Variants in SOD2 observed in about 807,000 individuals in gnomAD.
SOD2 encodes the protein superoxide dismutase 2, also known as superoxide dismutase [Mn], mitochondrial.
In SOD2, 11 loss-of-function variants were observed where a neutral mutation model predicts 27.0. That is an observed-to-expected ratio of 0.41 (90% CI 0.26 to 0.67). The LOEUF (loss-of-function observed/expected upper bound fraction) is 0.67. Among genes scored for constraint, SOD2 ranks in the 30% least tolerant of loss-of-function variants. The probability of loss-of-function intolerance (pLI) is 0.34; values close to 1 mark genes in which losing one functional copy is unlikely to be tolerated. For synonymous variants in SOD2, 105 were observed against 103.0 expected (o/e 1.02, Z -0.12); for missense variants, 250 against 274.5 (o/e 0.91, Z 0.63).
intron 1 of SOD2, chr6:159,725,466 G>GTGAGA (rs1256212065): frequency 7.2e-6 from 1 of 139,788 alleles, no homozygotes; most frequent in African/African-American, 2.8e-5. Flanking sequence ...GGGCAACACA[G>GTGAGA]TGAGACTGTC....
chr6:159,750,153 C>G (rs1779766616), upstream of SOD2, among the ~76,000 whole-genome samples: 1 of 152,164 alleles, frequency 6.6e-6, no homozygotes, highest in Non-Finnish European at 1.5e-5. Context: ...GTAACCAGAT[C>G]TGTTTGAAAT....
chr6:159,693,727 C>T (rs949882206), upstream of SOD2, among the ~76,000 whole-genome samples: 6 of 152,250 alleles, frequency 3.9e-5, no homozygotes, highest in Non-Finnish European at 8.8e-5. Flanking sequence ...CGTGGCCGTT[C>T]CTAGGGAAGA....
chr6:159,712,330 C>A, intron 1 of SOD2, among the ~76,000 whole-genome samples: 1 of 148,480 alleles, frequency 6.7e-6, no homozygotes, highest in Admixed American at 6.7e-5. Flanking sequence ...CTGCTCTGAT[C>A]ACCCTAACCA....
chr6:159,737,308 T>G (rs75890430), intron 1 of SOD2, among the ~76,000 whole-genome samples: 3,052 of 152,062 alleles, frequency 0.02, 52 homozygotes, highest in Middle Eastern at 0.051. Flanking sequence ...GCCTCTGCCT[T>G]CCAAAGTGCT....
At chr6:159,743,483 A>G (rs980679237) in intron 1 of SOD2, among the ~76,000 whole-genome samples, 4 of 152,254 alleles carry the variant, frequency 2.6e-5, no homozygotes, top group East Asian at 1.9e-4. Context: ...ATGGAGCACT[A>G]TGACACCATT....
chr6:159,714,782 T>G (rs1023699181), intron 1 of SOD2, among the ~76,000 whole-genome samples: 3 of 152,306 alleles, frequency 2.0e-5, no homozygotes, highest in Non-Finnish European at 2.9e-5. Context: ...GTTGTCTGGC[T>G]GGAGTAGAGC....
chr6:159,728,990 C>T (rs1404176074), upstream of SOD2, among the ~76,000 whole-genome samples: 5 of 152,128 alleles, frequency 3.3e-5, no homozygotes, highest in East Asian at 7.7e-4. Context: ...TCTTTTATGT[C>T]TAGCTTTTCC....
intron 1 of SOD2, among the ~76,000 whole-genome samples, chr6:159,709,286 AGCT>A (rs1036186330): frequency 6.6e-6 from 1 of 152,214 alleles, no homozygotes; most frequent in African/African-American, 2.4e-5. Flanking sequence ...TAACCTAAAG[AGCT>A]TCTGCACAGC....
At chr6:159,705,386 G>A (rs888171462) in intron 1 of SOD2, among the ~76,000 whole-genome samples, 2 of 152,166 alleles carry the variant, frequency 1.3e-5, no homozygotes, top group East Asian at 1.9e-4. Flanking sequence ...AAGATTAGAC[G>A]AATGGCTAAC....
At position 159,676,735 on chromosome 6, in the gene SOD2, A is replaced by G. The variant is rs1274010075; in HGVS notation, c.*5758T>C. On this transcript the variant is annotated 3_prime_UTR_variant, in exon 5 of 5. Coordinates refer to ENST00000538183, the MANE Select transcript of SOD2 (RefSeq NM_000636.4). ...GTTGTACACATGTACCCTAGAACTT[A>G]AAGTATAATTTAAAAATAAATAAGT... 1 of 152,184 alleles carries G rather than the reference A, an allele frequency of 6.6e-6. No individual in the cohort carries two copies. The highest frequency in any genetic ancestry group is 2.4e-5 in the African/African-American group (1 of 41,434). The allele number at this position is 152,184 out of a possible 1,614,324, so 9.4% of individuals were successfully genotyped here.
intron 1 of SOD2, among the ~76,000 whole-genome samples, chr6:159,700,678 A>C (rs575180313): frequency 6.6e-5 from 10 of 151,454 alleles, no homozygotes; most frequent in African/African-American, 2.4e-4. Context: ...AAATCAATGC[A>C]TTGTTAACAT....
intron 1 of SOD2, chr6:159,725,477 T>C (rs1341499466): frequency 2.1e-5 from 2 of 94,822 alleles, no homozygotes; most frequent in African/African-American, 5.1e-5. Context: ...TGAGACTGTC[T>C]CAAAAAAAAA....
At chr6:159,686,757 A>G (rs996839527) in intron 3 of SOD2, among the ~76,000 whole-genome samples, 1 of 152,254 alleles carries the variant, frequency 6.6e-6, no homozygotes, top group Non-Finnish European at 1.5e-5. Flanking sequence ...TTTCAAGTGC[A>G]TAAGATAGGC....
Position 159,726,512 on chromosome 6 carries a change from T to A in SOD2, c.-116+617A>T, listed in dbSNP as rs138409121. On this transcript the variant is annotated intron_variant, in intron 1 of 2. Transcript: ENST00000401980. The stretch of plus-strand genomic sequence containing the variant: ...CTAAGGACAGACCAATCAAAAGAAT[T>A]ACGTGCTCTTCTAGTAAGTGTTTAG... 343 of 307,486 alleles carry A rather than the reference T, an allele frequency of 1.1e-3. 1 individual carries two copies. Among genetic ancestry groups the A allele is most frequent in the African/African-American group, 7.0e-3 (317 of 45,110 alleles). 19.0% of individuals were successfully genotyped at this position (307,486 alleles called of 1,614,324 possible).
chr6:159,707,304 C>A (rs1233949306), intron 1 of SOD2, among the ~76,000 whole-genome samples: 2 of 151,760 alleles, frequency 1.3e-5, no homozygotes, highest in African/African-American at 2.4e-5. Flanking sequence ...CACAAAAAAC[C>A]CTTCAAAAAA....
chr6:159,707,891 C>T (rs1171866522), intron 1 of SOD2, among the ~76,000 whole-genome samples: 1 of 152,126 alleles, frequency 6.6e-6, no homozygotes, highest in Non-Finnish European at 1.5e-5. Flanking sequence ...CAAACTGAAT[C>T]CAGCAGCACA....
chr6:159,671,795 A>C lies in SOD2; in HGVS notation c.*10698T>G, dbSNP rs1290865125. On this transcript the variant is annotated 3_prime_UTR_variant, in exon 5 of 5. Coordinates refer to ENST00000538183, the MANE Select transcript of SOD2 (RefSeq NM_000636.4). ...GGCTTCAGATGATCAAACTTCTCCAAGCTAAAAGAGGAAGTTCGAACCCAT... is the reference window on the plus strand; with the variant it reads ...GGCTTCAGATGATCAAACTTCTCCACGCTAAAAGAGGAAGTTCGAACCCAT... 3.3e-5 allele frequency: 5 copies of C among 152,222 alleles called. No individual in the cohort carries two copies. The highest frequency in any genetic ancestry group is 1.2e-4 in the African/African-American group (5 of 41,460). The allele number at this position is 152,222 out of a possible 1,614,324, so 9.4% of individuals were successfully genotyped here. A position where few individuals can be genotyped will look rare whatever the true frequency, so the allele number is the denominator to read the frequency against.
chr6:159,740,359 A>G (rs1445049264), intron 1 of SOD2, among the ~76,000 whole-genome samples: 1 of 152,208 alleles, frequency 6.6e-6, no homozygotes, highest in Non-Finnish European at 1.5e-5. Flanking sequence ...TCAGTTTAAC[A>G]TCTTTCCTTA....
intron 1 of SOD2, among the ~76,000 whole-genome samples, chr6:159,709,699 G>A (rs1485406758): frequency 6.6e-6 from 1 of 152,194 alleles, no homozygotes; most frequent in Admixed American, 6.5e-5. Context: ...CATTGTGGAA[G>A]ACAGTGTGGC....
Sources: gnomAD v4.1 joint callset for allele counts (sites outside exome capture counted in the v4.1 genomes callset) on GRCh38, gnomAD v4.1.1 for gene constraint, MANE v1.5 for transcripts, NCBI Gene and HGNC (gene_info 2026-07-23, HGNC 2026-07-21) for gene names.